ARHGEF26: variants seen among roughly 807,000 people sequenced by gnomAD.
ARHGEF26 encodes Rho guanine nucleotide exchange factor (GEF) 26.
ARHGEF26 carries 59 observed loss-of-function variants against 89.4 expected under a neutral mutation model. That is an observed-to-expected ratio of 0.66 (90% confidence interval 0.54 to 0.82). The LOEUF (loss-of-function observed/expected upper bound fraction) is 0.82. Among genes scored for constraint, ARHGEF26 ranks in the 40% least tolerant of loss-of-function variants. The pLI is 0.00. For synonymous variants in ARHGEF26, 500 were observed against 428.4 expected, an observed-to-expected ratio of 1.17 and a Z score of -2.06; for missense variants, 1,234 against 1,085.6, an observed-to-expected ratio of 1.14 and a Z score of -1.92.
chr3:154,183,776 G>A (rs1337547755), intron 6 of ARHGEF26, among the ~76,000 whole-genome samples: 1 of 152,088 alleles, frequency 6.6e-6, no homozygotes, highest in Non-Finnish European at 1.5e-5. Flanking sequence ...TCGTACTTTG[G>A]CAAACCTTTC....
rs1299088819 is a variant in ARHGEF26 at position 154,191,519 on chromosome 3, A to G, written c.1770+101A>G. ...TCCACTTAAATTGATGCATATTTAAAGGTCTAAAAATCCCCCAATTAAGTG... is the reference window on the plus strand; with the variant it reads ...TCCACTTAAATTGATGCATATTTAAGGGTCTAAAAATCCCCCAATTAAGTG... On this transcript the variant is annotated intron_variant, in intron 8 of 14. Coordinates refer to ENST00000465093, the MANE Select transcript of ARHGEF26 (RefSeq NM_015595.4). 159 of 1,377,416 alleles carry G rather than the reference A, an allele frequency of 1.2e-4. No individual in the cohort carries two copies. The East Asian group carries it at 3.8e-3, about 33-fold the overall frequency. The allele number at this position is 1,377,416 out of a possible 1,614,324, so 85.3% of individuals were successfully genotyped here.
At chr3:154,128,861 C>G (rs1295186073) in intron 3 of ARHGEF26, among the ~76,000 whole-genome samples, 2 of 152,214 alleles carry the variant, frequency 1.3e-5, no homozygotes, top group Non-Finnish European at 2.9e-5. Flanking sequence ...TTTCTACCCC[C>G]CTTCCCTGTT....
chr3:154,152,507 C>T (rs994894151), intron 5 of ARHGEF26, among the ~76,000 whole-genome samples: 4 of 152,118 alleles, frequency 2.6e-5, no homozygotes, highest in Admixed American at 2.0e-4. Flanking sequence ...AAGGCATGAC[C>T]TCAGGATGTG....
rs186167344 is a variant in ARHGEF26 at position 154,175,797 on chromosome 3, A to G, written c.1488-11888A>G. Among the ~76,000 whole-genome samples, 63 of 152,284 alleles carry G rather than the reference A, an allele frequency of 4.1e-4. 2 individuals are homozygous for G. Among genetic ancestry groups the G allele is most frequent in the African/African-American group, 1.4e-3 (58 of 41,542 alleles). On this transcript the variant is annotated intron_variant, in intron 6 of 14. Transcript: ENST00000465093. ...TTGTTTTGTTTTACAAAGAAGCCAG[A>G]TGGTATTTATTTTGCATAGCTGTAA...
rs551374998 is a variant in ARHGEF26, at chr3:154,194,431, T to C, written c.1771-213T>C. On this transcript the variant is annotated intron_variant, in intron 8 of 14. Transcript: ENST00000465093. ...ACCAGGGTTACCCACCTCTGAATTC[T>C]ATCTTTCTTAACCATTCCCTGGATG... Among the ~76,000 whole-genome samples, 24 of 152,324 alleles carry C rather than the reference T, an allele frequency of 1.6e-4. No individual in the cohort carries two copies. In the East Asian group the frequency reaches 4.4e-3, roughly 28 times the overall value.
intron 11 of ARHGEF26, among the ~76,000 whole-genome samples, chr3:154,231,592 C>G (rs75884013): frequency 2.6e-5 from 3 of 114,612 alleles, no homozygotes; most frequent in Non-Finnish European, 5.7e-5. Flanking sequence ...GTATTGTGTT[C>G]TCTCTCTAAA....
intron 6 of ARHGEF26, among the ~76,000 whole-genome samples, chr3:154,173,410 C>G (rs1482535390): frequency 1.3e-5 from 2 of 152,110 alleles, no homozygotes; most frequent in Non-Finnish European, 2.9e-5. Flanking sequence ...TGTAATTTTT[C>G]TTTCCTTTAC....
At chr3:154,246,402 G>A (rs1299661174) in intron 12 of ARHGEF26, among the ~76,000 whole-genome samples, 1 of 152,206 alleles carries the variant, frequency 6.6e-6, no homozygotes, top group Non-Finnish European at 1.5e-5. Flanking sequence ...AGCTACCCCA[G>A]TGCTGTCTGT....
At chr3:154,135,388 T>C (rs1213893415) in intron 4 of ARHGEF26, among the ~76,000 whole-genome samples, 1 of 152,220 alleles carries the variant, frequency 6.6e-6, no homozygotes, top group Non-Finnish European at 1.5e-5. Flanking sequence ...TGTTTTCTGA[T>C]GGTTGTTTGT....
intron 6 of ARHGEF26, among the ~76,000 whole-genome samples, chr3:154,157,404 A>C (rs1400269267): frequency 6.6e-6 from 1 of 152,128 alleles, no homozygotes; most frequent in Non-Finnish European, 1.5e-5. Flanking sequence ...AAATCAAAGG[A>C]GAGCATGAGA....
At chr3:154,149,124 G>A (rs1478926211) in intron 4 of ARHGEF26, among the ~76,000 whole-genome samples, 3 of 152,136 alleles carry the variant, frequency 2.0e-5, no homozygotes, top group African/African-American at 7.2e-5. Context: ...GTGAAATGGG[G>A]AAAAGAACAG....
In ARHGEF26 at chr3:154,255,344, G is replaced by A. The variant is rs765650631; in HGVS notation, c.2487G>A (p.Gly829=). ...TCTTTTTCACAGGCTGGTATGAGGG[G>A]GAACGACTACGAGATGGAGAAAGAG... ...YQRVSDGWYE[G]ERLRDGERGW... is the part of the protein sequence containing the mutation. Residue 829 remains glycine (G), a synonymous_variant, in exon 15 of 15, where the codon GGG becomes GGA. Transcript: ENST00000465093. 9.9e-6 allele frequency: 16 copies of A among 1,613,066 alleles called. No individual in the cohort carries two copies. Among genetic ancestry groups the A allele is most frequent in the Non-Finnish European group, 1.3e-5 (15 of 1,179,504 alleles).
chr3:154,189,841 T>G (rs143690758), intron 7 of ARHGEF26, among the ~76,000 whole-genome samples: 100 of 151,978 alleles, frequency 6.6e-4, no homozygotes, highest in African/African-American at 2.4e-3. Context: ...TTGTTTTTTT[T>G]TTTTAACTTT....
chr3:154,189,063 C>G (rs1271559575), intron 7 of ARHGEF26, among the ~76,000 whole-genome samples: 1 of 152,128 alleles, frequency 6.6e-6, no homozygotes, highest in Non-Finnish European at 1.5e-5. Flanking sequence ...CACTTCCTCA[C>G]TCCACCACGC....
intron 6 of ARHGEF26, among the ~76,000 whole-genome samples, chr3:154,176,469 C>T (rs1369702532): frequency 6.6e-6 from 1 of 152,146 alleles, no homozygotes; most frequent in Non-Finnish European, 1.5e-5. Flanking sequence ...AAATCAGCTG[C>T]TCTGGGTCCT....
intron 5 of ARHGEF26, among the ~76,000 whole-genome samples, chr3:154,151,435 A>C (rs2108096269): frequency 6.6e-6 from 1 of 152,360 alleles, no homozygotes; most frequent in Admixed American, 6.5e-5. Context: ...AAATATTTTA[A>C]GTAATTCCAA....
rs1713948366 is a variant in ARHGEF26 at position 154,191,364 on chromosome 3, C to T, written c.1716C>T (p.Ile572=). 2 of 1,613,750 alleles carry T rather than the reference C, an allele frequency of 1.2e-6. No homozygotes were observed. The highest frequency in any genetic ancestry group is 1.7e-5 in the Admixed American group (1 of 59,982). ...SHEDCRNLPM[I]SFLILPMQRV... ...AAGACTGTAGGAACTTACCCATGAT[C>T]TCTTTTCTCATTCTCCCCATGCAGA... is the stretch of plus-strand genomic sequence containing the variant. The change falls in exon 8 of 15, where the codon ATC becomes ATT. Residue 572 remains isoleucine, a synonymous_variant. Coordinates refer to ENST00000465093, the MANE Select transcript of ARHGEF26 (RefSeq NM_015595.4).
chr3:154,172,982 T>C (rs1712544805), intron 6 of ARHGEF26, among the ~76,000 whole-genome samples: 1 of 152,178 alleles, frequency 6.6e-6, no homozygotes, highest in Non-Finnish European at 1.5e-5. Context: ...TTAAGGATCA[T>C]GAGTACCAAT....
At chr3:154,132,002 A>G (rs984937677) in intron 4 of ARHGEF26, among the ~76,000 whole-genome samples, 1 of 152,116 alleles carries the variant, frequency 6.6e-6, no homozygotes, top group Non-Finnish European at 1.5e-5. Flanking sequence ...GTGATTTCTG[A>G]TTTTAGTGTA....
Sources: allele counts gnomAD v4.1 joint callset (sites outside exome capture counted in the v4.1 genomes callset), GRCh38; gene constraint gnomAD v4.1.1; transcripts MANE v1.5; gene names NCBI Gene and HGNC (gene_info 2026-07-23, HGNC 2026-07-21).